Variants in C1orf167 observed in about 807,000 individuals in gnomAD.
C1orf167 encodes chromosome 1 open reading frame 167.
A neutral mutation model predicts 176.5 loss-of-function variants in C1orf167; 153 were observed. The ratio of observed to expected loss-of-function variants is 0.87; its 90% CI spans 0.76 to 0.99. C1orf167 has a LOEUF of 0.99. Ranked by LOEUF, C1orf167 falls within the 50% of genes least tolerant of loss-of-function variation. C1orf167 has a pLI of 0.00. For missense variants in C1orf167, 1,490 were observed against 1,817.7 expected (o/e 0.82, Z 3.28); for synonymous variants, 594 against 752.7 (o/e 0.79, Z 3.45).
chr1:11,785,121 G>T, intron 15 of C1orf167, 27 bp from the exon 16 acceptor site: 1 of 1,275,388 alleles, frequency 7.8e-7, no homozygotes, highest in Non-Finnish European at 1.0e-6. Flanking sequence ...TTATGGCCCT[G>T]GCTGCAGACT....
intron 18 of C1orf167, 26 bp downstream of exon 18, chr1:11,788,073 G>C: frequency 4.7e-6 from 6 of 1,284,864 alleles, no homozygotes; most frequent in Non-Finnish European, 6.1e-6. Flanking sequence ...TGTGCAGTTT[G>C]GTGGGTCCGA....
intron 8 of C1orf167, among the ~76,000 whole-genome samples, chr1:11,773,054 C>A (rs553353315): frequency 2.0e-5 from 3 of 152,046 alleles, no homozygotes; most frequent in Non-Finnish European, 4.4e-5. Context: ...CATGCCACCA[C>A]GCCCGGCTAA....
chr1:11,772,459 G>T (rs761263041), intron 8 of C1orf167, among the ~76,000 whole-genome samples, 200 bp downstream of exon 8: 19 of 152,056 alleles, frequency 1.2e-4, no homozygotes, highest in Non-Finnish European at 2.4e-4. Flanking sequence ...TAGAGACAGG[G>T]TTCCACCATG....
rs1205700519 is a variant in C1orf167, at chr1:11,771,508, G to A, written c.1698-16G>A. The A allele has an allele frequency of 7.8e-7, 1 of 1,286,114 alleles. No individual in the cohort carries two copies. Among genetic ancestry groups the A allele is most frequent in the Non-Finnish European group, 1.0e-6 (1 of 985,494 alleles). 79.7% of individuals were successfully genotyped at this position (1,286,114 alleles called of 1,614,324 possible). A position where few individuals can be genotyped will look rare whatever the true frequency, so the allele number is the denominator to read the frequency against. ...TCCCGGGTCATCAGCTTCTCTCTGG[G>A]CAACTTTGCTTTTAGTCCAGGAAGT... is the stretch of plus-strand genomic sequence containing the variant. On this transcript the variant is annotated splice_polypyrimidine_tract_variant and intron_variant, in intron 6 of 20. Transcript: ENST00000688073.
rs1455252862 is a variant in C1orf167, at chr1:11,767,005, C to G, written c.1219C>G (p.Pro407Ala). 1 of 1,209,564 alleles carries G rather than the reference C, an allele frequency of 8.3e-7. No individual in the cohort carries two copies. The highest frequency in any genetic ancestry group is 1.6e-5 in the African/African-American group (1 of 63,276). The allele number at this position is 1,209,564 out of a possible 1,614,324, so 74.9% of individuals were successfully genotyped here. A position where few individuals can be genotyped will look rare whatever the true frequency, so the allele number is the denominator to read the frequency against. Reference sequence around the variant, plus strand: ...CAAGCAGAAAGGAGAGGAGGGGGCCCCGAGGGAGCGGGTCCACAGGGAGGA... The same window carrying G: ...CAAGCAGAAAGGAGAGGAGGGGGCCGCGAGGGAGCGGGTCCACAGGGAGGA... ...SPKQKGEEGAPRERVHREEER... is the reference protein window; with the variant it reads ...SPKQKGEEGAARERVHREEER... Residue 407 changes from proline (P) to alanine (A), a missense_variant, in exon 3 of 21, where the codon CCG becomes GCG. Transcript: ENST00000688073.
intron 16 of C1orf167, 80 bp from the exon 17 acceptor site, chr1:11,787,308 A>C (rs1170794929): frequency 5.0e-6 from 4 of 792,718 alleles, no homozygotes; most frequent in Non-Finnish European, 6.9e-6. Flanking sequence ...TGCCAGCTAG[A>C]GCAGCGAAGA....
In C1orf167 at chr1:11,766,307, C is replaced by T. The variant is rs746298473; in HGVS notation, c.521C>T (p.Pro174Leu). ...CTGAGGCAGTCCGGGCTGCCGGCCC[C>T]AGGCACCCCTAGCGGGGACTTCAGG... ...SCLRQSGLPA[P>L]GTPSGDFRPT... is the part of the protein sequence containing the mutation. Residue 174 changes from proline to leucine, a missense_variant, in exon 3 of 21, where the codon CCA becomes CTA. By Grantham distance (98) the Pro-to-Leu change is moderately conservative. Transcript: ENST00000688073. The surrounding 1 kb of genome is among the most constrained non-coding windows in gnomAD (Gnocchi z 4.5). 4.7e-6 allele frequency: 6 copies of T among 1,289,156 alleles called. No individual in the cohort carries two copies. The African/African-American group carries it at 9.1e-5, about 20-fold the overall frequency. The allele number at this position is 1,289,156 out of a possible 1,614,324, so 79.9% of individuals were successfully genotyped here. A position where few individuals can be genotyped will look rare whatever the true frequency, so the allele number is the denominator to read the frequency against.
rs1322897730 is a variant in C1orf167, at chr1:11,784,374, A to T, written c.3206A>T (p.Gln1069Leu). The part of the protein sequence containing the change: ...SLARWRSCGQ[Q>L]GQEDGQQKKA... ...GCCCGCTGGAGAAGCTGCGGGCAGCAAGGCCAGGAAGATGGGCAGCAGAAG... is the reference window on the plus strand; with the variant it reads ...GCCCGCTGGAGAAGCTGCGGGCAGCTAGGCCAGGAAGATGGGCAGCAGAAG... The change falls in exon 15 of 21, where the codon CAA becomes CTA. Residue 1069 changes from glutamine (Q) to leucine (L), a missense_variant. By Grantham distance (113) the Gln-to-Leu change is moderately radical. Coordinates refer to ENST00000688073, the MANE Select transcript of C1orf167 (RefSeq NM_001010881.2). The T allele has an allele frequency of 3.1e-6, 4 of 1,304,112 alleles. No homozygotes were observed. In the South Asian group the frequency reaches 4.9e-5, roughly 16 times the overall value. 80.8% of individuals were successfully genotyped at this position (1,304,112 alleles called of 1,614,324 possible).
In C1orf167 at chr1:11,766,944, C is replaced by T. The variant is rs1369374621; in HGVS notation, c.1158C>T (p.Ser386=). 1.7e-6 allele frequency: 2 copies of T among 1,210,158 alleles called. No individual in the cohort carries two copies. Among genetic ancestry groups the T allele is most frequent in the Admixed American group, 6.1e-5 (2 of 32,826 alleles). The allele number at this position is 1,210,158 out of a possible 1,614,324, so 75.0% of individuals were successfully genotyped here. A position where few individuals can be genotyped will look rare whatever the true frequency, so the allele number is the denominator to read the frequency against. ...GVGSRGTDPC[S]SAFSNTAWGV... ...GAAGCAGGGGGACCGACCCCTGTTC[C>T]TCAGCCTTCTCCAACACAGCCTGGG... The change falls in exon 3 of 21, where the codon TCC becomes TCT. Residue 386 remains serine (S), a synonymous_variant. Transcript: ENST00000688073. The surrounding 1 kb of genome is among the most constrained non-coding windows in gnomAD (Gnocchi z 4.5).
At chr1:11,786,488 T>G (rs1235392701) in intron 16 of C1orf167, 1 of 151,960 alleles carries the variant, frequency 6.6e-6, no homozygotes. Context: ...CAGGCCAGAG[T>G]GCAGTGGTGC....
chr1:11,767,430 C>T (rs999143585), intron 4 of C1orf167, among the ~76,000 whole-genome samples, 166 bp downstream of exon 4: 1 of 152,082 alleles, frequency 6.6e-6, no homozygotes, highest in African/African-American at 2.4e-5. Context: ...TGAAGGGAGC[C>T]TCCAGGGCCC....
Position 11,787,933 on chromosome 1 carries a change from G to A in C1orf167, c.3734G>A (p.Ser1245Asn). 1 of 1,303,486 alleles carries A rather than the reference G, an allele frequency of 7.7e-7. No individual in the cohort carries two copies. The highest frequency in any genetic ancestry group is 1.0e-6 in the Non-Finnish European group (1 of 988,512). 80.7% of individuals were successfully genotyped at this position (1,303,486 alleles called of 1,614,324 possible). ...FQLWPQWPGQSSWVPGLPLWT... is the reference protein window; with the variant it reads ...FQLWPQWPGQNSWVPGLPLWT... ...CTCTGGCCACAGTGGCCTGGACAGAGTAGCTGGGTCCCAGGCCTGCCCCTG... is the reference window on the plus strand; with the variant it reads ...CTCTGGCCACAGTGGCCTGGACAGAATAGCTGGGTCCCAGGCCTGCCCCTG... Residue 1245 changes from serine to asparagine, a missense_variant, in exon 18 of 21, where the codon AGT becomes AAT. By Grantham distance (46) the Ser-to-Asn change is conservative (BLOSUM62 1). Transcript: ENST00000688073.
chr1:11,781,154 C>T (rs926053497), intron 13 of C1orf167, among the ~76,000 whole-genome samples: 1 of 152,060 alleles, frequency 6.6e-6, no homozygotes, highest in Non-Finnish European at 1.5e-5. Flanking sequence ...CCTGCCACCA[C>T]ACCTGGCTAA....
chr1:11,766,923 C>T lies in C1orf167; in HGVS notation c.1137C>T (p.Ser379=), dbSNP rs543571751. ...CCAGTCTCCCTCGAGGGGTGGGAAG[C>T]AGGGGGACCGACCCCTGTTCCTCAG... is the stretch of plus-strand genomic sequence containing the variant. ...GDPSLPRGVG[S]RGTDPCSSAF... is the part of the protein sequence containing the mutation. Residue 379 remains serine (S), a synonymous_variant, in exon 3 of 21, where the codon AGC becomes AGT. Transcript: ENST00000688073. The surrounding 1 kb of genome is among the most constrained non-coding windows in gnomAD (Gnocchi z 4.5). The T allele has an allele frequency of 1.3e-4, 162 of 1,218,714 alleles. 1 individual carries two copies. In the South Asian group the frequency reaches 1.7e-3, roughly 13 times the overall value. The allele number at this position is 1,218,714 out of a possible 1,614,324, so 75.5% of individuals were successfully genotyped here.
chr1:11,770,243 A>G (rs1415395876), intron 6 of C1orf167, among the ~76,000 whole-genome samples: 2 of 151,744 alleles, frequency 1.3e-5, no homozygotes, highest in Non-Finnish European at 2.9e-5. Context: ...TAGAAAAAGG[A>G]CCAGAAAGAA....
At chr1:11,788,525 C>T (rs1307746263) in intron 19 of C1orf167, 127 bp from the exon 20 acceptor site, 2 of 1,104,668 alleles carry the variant, frequency 1.8e-6, no homozygotes, top group Admixed American at 2.4e-5. Context: ...TAATACTCCT[C>T]AGATGACACC....
intron 8 of C1orf167, 52 bp from the exon 9 acceptor site, chr1:11,775,383 G>A (rs951710291): frequency 2.0e-5 from 24 of 1,229,400 alleles, no homozygotes; most frequent in Middle Eastern, 2.3e-4. Context: ...AGCTGGAGCC[G>A]CAGTCATCAG....
chr1:11,780,999 C>T (rs184911308), intron 13 of C1orf167, among the ~76,000 whole-genome samples: 100 of 92,750 alleles, frequency 1.1e-3, no homozygotes, highest in Middle Eastern at 8.2e-3. Context: ...CCCAACCAGT[C>T]TTTTTTTTTT....
intron 16 of C1orf167, 194 bp from the exon 17 acceptor site, chr1:11,787,194 T>C (rs2100443643): frequency 4.1e-6 from 1 of 241,292 alleles, no homozygotes; most frequent in Non-Finnish European, 8.6e-6. Context: ...CTCCCAGGGC[T>C]GTGCTCCGGG....
Sources: gnomAD v4.1 joint callset for allele counts (sites outside exome capture counted in the v4.1 genomes callset) on GRCh38, gnomAD v4.1.1 for gene constraint, Gnocchi (gnomAD v3.1) non-coding constraint, MANE v1.5 for transcripts, NCBI Gene and HGNC (gene_info 2026-07-23, HGNC 2026-07-21) for gene names.